Variants in CR1L observed in about 807,000 individuals in gnomAD.
CR1L encodes the protein complement C3b/C4b receptor 1 like.
In CR1L, 59 loss-of-function variants were observed where a neutral mutation model predicts 62.3. The observed-to-expected ratio is 0.95, with a 90% confidence interval of 0.77 to 1.18. The LOEUF (loss-of-function observed/expected upper bound fraction) is 1.18, where lower values mean the gene tolerates loss of function less well. Among genes scored for constraint, CR1L ranks in the 50% most tolerant of loss-of-function variants. The pLI is 0.00. For synonymous variants in CR1L, 279 were observed against 248.7 expected (o/e 1.12, Z -1.15); for missense variants, 700 against 702.8 (o/e 1.00, Z 0.04).
chr1:207,710,375 T>C, intron 10 of CR1L: 4 of 1,443,472 alleles, frequency 2.8e-6, no homozygotes, highest in Non-Finnish European at 3.9e-6. Context: ...GCGGTCTCTT[T>C]TCCCAGGAAT....
At chr1:207,648,946 A>G (rs1001689100) in intron 1 of CR1L, among the ~76,000 whole-genome samples, 1 of 151,440 alleles carries the variant, frequency 6.6e-6, no homozygotes, top group African/African-American at 2.4e-5. Flanking sequence ...GTTTGACAGC[A>G]GTGGACTTTG....
intron 8 of CR1L, among the ~76,000 whole-genome samples, chr1:207,700,543 A>G (rs189559469): frequency 1.1e-3 from 163 of 152,320 alleles, no homozygotes; most frequent in Non-Finnish European, 2.0e-3. Flanking sequence ...AAGAAAATAA[A>G]TCATCAACAG....
At chr1:207,681,791 TAGA>T (rs1379587078) in intron 3 of CR1L, among the ~76,000 whole-genome samples, 4 of 152,312 alleles carry the variant, frequency 2.6e-5, no homozygotes, top group African/African-American at 9.6e-5. Flanking sequence ...TTAAGACAAA[TAGA>T]AGGAGGTACA....
rs372948821 is a variant in CR1L, at chr1:207,708,263, C to T, written c.1414C>T (p.Gln472Ter). The change falls in exon 10 of 12, where the codon CAA (glutamine) becomes TAA (stop). Residue 472 changes from glutamine to a stop codon, truncating the protein, a stop_gained and splice_region_variant. Transcript: ENST00000508064. LOFTEE classifies it high-confidence loss of function. ...GAGCATGAAGCCACCAATTTGTCAA[C>T]GTGAGTTGAAATCTCTTTCCCCATT... ...HWSMKPPICQQIFCPNPPAIL... is the reference protein window; with the variant it reads ...HWSMKPPICQ The T allele has an allele frequency of 2.7e-5, 43 of 1,611,068 alleles. No individual in the cohort carries two copies. The highest frequency in any genetic ancestry group is 3.3e-5 in the Admixed American group (2 of 59,986).
chr1:207,699,085 C>T (rs1664152831), intron 7 of CR1L, 104 bp from the exon 8 acceptor site: 2 of 1,445,030 alleles, frequency 1.4e-6, no homozygotes, highest in African/African-American at 1.4e-5. Context: ...CACCTGCTGG[C>T]CTCAGGTCCT....
chr1:207,660,854 T>C (rs1663408698), intron 1 of CR1L, among the ~76,000 whole-genome samples: 1 of 152,240 alleles, frequency 6.6e-6, no homozygotes, highest in African/African-American at 2.4e-5. Context: ...GTTTTTGTTC[T>C]TGTTGGTTTC....
chr1:207,711,185 C>T (rs1315931661), intron 10 of CR1L, among the ~76,000 whole-genome samples: 3 of 152,138 alleles, frequency 2.0e-5, no homozygotes, highest in Non-Finnish European at 4.4e-5. Flanking sequence ...TTTGATGGCT[C>T]ATCTTGTCTA....
At chr1:207,673,102 C>T (rs1432251021) in intron 1 of CR1L, among the ~76,000 whole-genome samples, 1 of 152,126 alleles carries the variant, frequency 6.6e-6, no homozygotes, top group Admixed American at 6.5e-5. Flanking sequence ...CAACTGATCA[C>T]AACTTGATGA....
chr1:207,655,124 T>A, intron 1 of CR1L: 1 of 394,414 alleles, frequency 2.5e-6, no homozygotes, highest in Non-Finnish European at 4.8e-6. Context: ...ATATAAAAAG[T>A]TCCTTCATTA....
chr1:207,655,469 T>C (rs1663292062), intron 1 of CR1L, among the ~76,000 whole-genome samples: 2 of 152,172 alleles, frequency 1.3e-5, no homozygotes, highest in African/African-American at 4.8e-5. Context: ...TGATTCTTTT[T>C]GTTTTTGTTT....
At chr1:207,650,275 C>A (rs1372029901) in intron 1 of CR1L, among the ~76,000 whole-genome samples, 1 of 152,164 alleles carries the variant, frequency 6.6e-6, no homozygotes, top group African/African-American at 2.4e-5. Context: ...CTCCTACAGA[C>A]TCATCAGGGA....
chr1:207,681,531 G>A (rs1330781079), intron 3 of CR1L, among the ~76,000 whole-genome samples: 4 of 152,172 alleles, frequency 2.6e-5, no homozygotes, highest in Admixed American at 2.0e-4. Context: ...TGGGACACAA[G>A]TTTAATAAAT....
intron 3 of CR1L, among the ~76,000 whole-genome samples, chr1:207,682,106 T>C (rs1469777634): frequency 6.6e-6 from 1 of 152,054 alleles, no homozygotes; most frequent in African/African-American, 2.4e-5. Context: ...GTAACAAAAC[T>C]GCACATTCTG....
chr1:207,657,564 T>C lies in CR1L; in HGVS notation c.97+12234T>C, dbSNP rs190461084. ...TGAACTACTGTGTAATCTGCATGAG[T>C]TAGAAGTTTTTGTTTGAAAGACCAA... On this transcript the variant is annotated intron_variant, in intron 1 of 11. Coordinates refer to ENST00000508064, the MANE Select transcript of CR1L (RefSeq NM_175710.2). Among the ~76,000 whole-genome samples the C allele has an allele frequency of 2.6e-5, 4 of 152,158 alleles. No homozygotes were observed. The East Asian group carries it at 7.7e-4, about 29-fold the overall frequency.
intron 2 of CR1L, among the ~76,000 whole-genome samples, chr1:207,677,950 A>T (rs1348039522): frequency 6.6e-6 from 1 of 152,250 alleles, no homozygotes; most frequent in East Asian, 1.9e-4. Context: ...TGAATTACAG[A>T]TAATAACGAA....
At chr1:207,700,556 C>A (rs35823863) in intron 8 of CR1L, among the ~76,000 whole-genome samples, 1 of 152,008 alleles carries the variant, frequency 6.6e-6, no homozygotes, top group Non-Finnish European at 1.5e-5. Flanking sequence ...ATCAACAGAC[C>A]TTGACATTTT....
At chr1:207,668,141 A>C (rs1450136192) in intron 1 of CR1L, among the ~76,000 whole-genome samples, 1 of 151,118 alleles carries the variant, frequency 6.6e-6, no homozygotes, top group Non-Finnish European at 1.5e-5. Context: ...CAGAACTACC[A>C]TATGATCCAG....
chr1:207,645,354 G>C, intron 1 of CR1L, 24 bp downstream of exon 1: 1 of 1,612,148 alleles, frequency 6.2e-7, no homozygotes, highest in Admixed American at 1.7e-5. Flanking sequence ...GTGGATTCGC[G>C]CGTCCGCGGC....
chr1:207,656,526 A>T (rs941937930), intron 1 of CR1L, among the ~76,000 whole-genome samples: 1 of 152,128 alleles, frequency 6.6e-6, no homozygotes, highest in African/African-American at 2.4e-5. Flanking sequence ...GGTAATTTAT[A>T]AAGAAAAGAG....
Sources: allele counts gnomAD v4.1 joint callset (sites outside exome capture counted in the v4.1 genomes callset), GRCh38; gene constraint gnomAD v4.1.1; transcripts MANE v1.5; gene names NCBI Gene and HGNC (gene_info 2026-07-23, HGNC 2026-07-21).